Variants in NRG1 observed in about 807,000 individuals in gnomAD.
The protein encoded by NRG1 is neuregulin 1.
NRG1 carries 18 observed loss-of-function variants against 63.8 expected under a neutral mutation model. The ratio of observed to expected loss-of-function variants is 0.28; its 90% CI spans 0.19 to 0.42. The LOEUF is 0.42. NRG1 is among the 10% of genes least tolerant of loss of function. The pLI is 1.00. For synonymous variants in NRG1, 302 were observed against 301.3 expected, an observed-to-expected ratio of 1.00 and a Z score of -0.02; for missense variants, 762 against 814.7, an observed-to-expected ratio of 0.94 and a Z score of 0.79.
At chr8:31,777,932 C>T (rs915144205) in intron 1 of NRG1, among the ~76,000 whole-genome samples, 1 of 152,108 alleles carries the variant, frequency 6.6e-6, no homozygotes, top group Non-Finnish European at 1.5e-5. Flanking sequence ...CCAGGCCCCA[C>T]CTCTAACATT....
chr8:31,676,942 G>C (rs967583820), intron 1 of NRG1, among the ~76,000 whole-genome samples: 1 of 152,140 alleles, frequency 6.6e-6, no homozygotes, highest in East Asian at 1.9e-4. Flanking sequence ...CCCTGAATGG[G>C]AGCTTTCATG....
downstream of NRG1, among the ~76,000 whole-genome samples, chr8:32,768,588 G>A (rs1227383785): frequency 6.6e-6 from 1 of 152,188 alleles, no homozygotes; most frequent in African/African-American, 2.4e-5. Flanking sequence ...TCAGGGAGGA[G>A]CCTTTGCATG....
chr8:32,588,908 A>C (rs1190927849), intron 1 of NRG1, among the ~76,000 whole-genome samples: 1 of 152,106 alleles, frequency 6.6e-6, no homozygotes, highest in East Asian at 1.9e-4. Flanking sequence ...CTCACAGGGA[A>C]CCCTATTTAA....
chr8:32,507,638 A>T (rs1828689664), intron 1 of NRG1, among the ~76,000 whole-genome samples: 1 of 152,190 alleles, frequency 6.6e-6, no homozygotes, highest in Admixed American at 6.5e-5. Flanking sequence ...GCCCTTATAT[A>T]CTTTTAGTGG....
intron 1 of NRG1, among the ~76,000 whole-genome samples, chr8:31,889,729 C>T (rs1831000245): frequency 6.6e-6 from 1 of 152,190 alleles, no homozygotes; most frequent in South Asian, 2.1e-4. Context: ...GCAAAGGGAA[C>T]CAACAATCTG....
At chr8:32,149,155 C>T (rs1220305202) in intron 1 of NRG1, among the ~76,000 whole-genome samples, 1 of 152,146 alleles carries the variant, frequency 6.6e-6, no homozygotes, top group Non-Finnish European at 1.5e-5. Context: ...TAATTTTAGT[C>T]ACTCTGTTGG....
chr8:32,237,397 C>CT (rs1261174464), intron 1 of NRG1, among the ~76,000 whole-genome samples: 6 of 151,296 alleles, frequency 4.0e-5, no homozygotes, highest in East Asian at 1.9e-4. Context: ...CAGAGAATTG[C>CT]TTTTTTTTTC....
At chr8:32,432,936 T>C (rs189912732) in intron 1 of NRG1, among the ~76,000 whole-genome samples, 3 of 152,286 alleles carry the variant, frequency 2.0e-5, no homozygotes, top group African/African-American at 4.8e-5. Context: ...TTTACCATTA[T>C]AGGTCAAAGG....
At chr8:32,246,538 T>C (rs1011823232) in intron 1 of NRG1, among the ~76,000 whole-genome samples, 2 of 152,166 alleles carry the variant, frequency 1.3e-5, no homozygotes, top group Non-Finnish European at 2.9e-5. Flanking sequence ...GATAATCCTT[T>C]GTTAAGACAA....
chr8:31,995,897 C>A (rs902219043), intron 1 of NRG1, among the ~76,000 whole-genome samples: 3 of 151,872 alleles, frequency 2.0e-5, no homozygotes, highest in African/African-American at 7.3e-5. Flanking sequence ...TGCTTACCTA[C>A]AAAATTATCC....
chr8:31,639,367 G>C, exon 1 of NRG1: 5 of 1,534,120 alleles, frequency 3.3e-6, no homozygotes, highest in Non-Finnish European at 1.7e-6. Context: ...GGACCCACTC[G>C]CGGGTCCCGC....
intron 1 of NRG1, among the ~76,000 whole-genome samples, chr8:31,659,254 G>A (rs1805728819): frequency 6.6e-6 from 1 of 152,162 alleles, no homozygotes; most frequent in African/African-American, 2.4e-5. Context: ...AGAAGGCACT[G>A]AGCGGAAACA....
intron 1 of NRG1, among the ~76,000 whole-genome samples, chr8:31,759,712 T>C (rs1404212792): frequency 6.6e-6 from 1 of 152,148 alleles, no homozygotes; most frequent in Non-Finnish European, 1.5e-5. Context: ...AAACTACATA[T>C]GAATTTTAAC....
intron 1 of NRG1, among the ~76,000 whole-genome samples, chr8:32,296,442 C>T (rs1854879911): frequency 6.6e-6 from 1 of 151,880 alleles, no homozygotes; most frequent in Non-Finnish European, 1.5e-5. Context: ...AGTGAAACCT[C>T]GTCTCTACTG....
At chr8:32,200,165 T>G (rs1049034003) in intron 1 of NRG1, among the ~76,000 whole-genome samples, 4 of 152,176 alleles carry the variant, frequency 2.6e-5, no homozygotes, top group African/African-American at 9.6e-5. Flanking sequence ...CCTCTAATAT[T>G]TTTACTTTCG....
intron 1 of NRG1, among the ~76,000 whole-genome samples, chr8:31,824,866 C>A (rs1300340626): frequency 6.6e-6 from 1 of 152,144 alleles, no homozygotes; most frequent in African/African-American, 2.4e-5. Flanking sequence ...TTTAAAAAAT[C>A]CACTTCTACA....
intron 8 of NRG1, 47 bp downstream of exon 8, chr8:32,754,521 A>ATGAGATG: frequency 6.4e-7 from 1 of 1,560,994 alleles, no homozygotes; most frequent in African/African-American, 1.3e-5. Flanking sequence ...ATGCAGAGAC[A>ATGAGATG]GCTTAGATGG....
intron 3 of NRG1, 99 bp downstream of exon 3, chr8:32,605,782 T>C (rs1395390898): frequency 5.9e-6 from 8 of 1,347,778 alleles, no homozygotes; most frequent in Admixed American, 2.4e-5. Context: ...AATCTCATTG[T>C]GAACAAATTA....
intron 1 of NRG1, among the ~76,000 whole-genome samples, chr8:31,916,350 A>G (rs925935657): frequency 1.3e-5 from 2 of 151,902 alleles, no homozygotes; most frequent in African/African-American, 4.8e-5. Context: ...TCCCAATGCT[A>G]TCCCTCCCCC....
Sources: allele counts gnomAD v4.1 joint callset (sites outside exome capture counted in the v4.1 genomes callset), GRCh38; gene constraint gnomAD v4.1.1; transcripts MANE v1.5; gene names NCBI Gene and HGNC (gene_info 2026-07-23, HGNC 2026-07-21).